Variants in PTGER3 observed in about 807,000 individuals in gnomAD.
The protein encoded by PTGER3 is prostaglandin E2 receptor EP3 subtype.
PTGER3 carries 22 observed loss-of-function variants against 34.7 expected under a neutral mutation model. The observed-to-expected ratio is 0.63, with a 90% confidence interval of 0.45 to 0.91. The LOEUF is 0.91. Among genes scored for constraint, PTGER3 ranks in the 40% least tolerant of loss-of-function variants. The pLI is 0.00. For missense variants in PTGER3, 468 were observed against 519.4 expected (o/e 0.90, Z 0.96); for synonymous variants, 241 against 230.1 (o/e 1.05, Z -0.43).
chr1:70,955,313 T>A (rs1267158118), intron 2 of PTGER3, among the ~76,000 whole-genome samples: 1 of 152,204 alleles, frequency 6.6e-6, no homozygotes, highest in African/African-American at 2.4e-5. Context: ...ATAGTAGATA[T>A]AAAGCACTTA....
chr1:70,995,652 C>T (rs532218860), intron 2 of PTGER3, among the ~76,000 whole-genome samples: 8 of 151,934 alleles, frequency 5.3e-5, no homozygotes, highest in Non-Finnish European at 1.5e-5. Flanking sequence ...GTCTTAATCT[C>T]AATTTAATTA....
Position 70,983,439 on chromosome 1 carries a change from G to A in PTGER3, c.1078-9051C>T, listed in dbSNP as rs182511304. 1.2e-4 allele frequency among the ~76,000 whole-genome samples: 19 copies of A among 152,244 alleles called. 1 individual carries two copies. The East Asian group carries it at 3.5e-3, about 28-fold the overall frequency. On this transcript the variant is annotated intron_variant, in intron 2 of 3. Coordinates refer to ENST00000306666, the MANE Select transcript of PTGER3 (RefSeq NM_198719.2). ...CTGCTCTATGCCCACATATCACAGT[G>A]CCTCTCCTATAGTATGAACTCATTA...
chr1:70,891,826 A>T (rs142349862), intron 4 of PTGER3, among the ~76,000 whole-genome samples: 4 of 152,380 alleles, frequency 2.6e-5, no homozygotes, highest in South Asian at 2.1e-4. Flanking sequence ...AAGATCATTG[A>T]TGGAGACCTT....
chr1:71,000,539 G>A (rs1248576063), intron 2 of PTGER3, among the ~76,000 whole-genome samples: 3 of 152,174 alleles, frequency 2.0e-5, no homozygotes, highest in Admixed American at 6.5e-5. Context: ...TAAAGCAGAT[G>A]TGGTCAAAAT....
At chr1:70,947,932 CA>C (rs1650371864), downstream of PTGER3, among the ~76,000 whole-genome samples, 2 of 151,976 alleles carry the variant, frequency 1.3e-5, no homozygotes, top group Admixed American at 1.3e-4. Context: ...TTCTAAGAAG[CA>C]AAATGTAAAA....
downstream of PTGER3, among the ~76,000 whole-genome samples, chr1:70,950,246 T>C (rs371943612): frequency 1.3e-5 from 2 of 152,184 alleles, no homozygotes; most frequent in East Asian, 3.8e-4. Context: ...ACATCCTGAG[T>C]GCCTTACTTC....
intron 2 of PTGER3, chr1:71,008,866 TAATAAA>T: frequency 1.0e-6 from 1 of 962,496 alleles, no homozygotes; most frequent in Non-Finnish European, 1.2e-6. Flanking sequence ...GTGTTTGTAA[TAATAAA>T]TACTCTGTAG....
intron 4 of PTGER3, among the ~76,000 whole-genome samples, chr1:70,936,016 C>A (rs111672775): frequency 6.6e-6 from 1 of 151,974 alleles, no homozygotes; most frequent in African/African-American, 2.4e-5. Flanking sequence ...TGCACCAATA[C>A]GTAACAAGTT....
intron 2 of PTGER3, among the ~76,000 whole-genome samples, chr1:70,956,354 C>A (rs1458985032): frequency 6.8e-6 from 1 of 147,782 alleles, no homozygotes; most frequent in African/African-American, 2.5e-5. Flanking sequence ...ACAAAAAGAA[C>A]TTTGGAAATA....
intron 4 of PTGER3, among the ~76,000 whole-genome samples, chr1:70,929,080 G>C (rs1033414510): frequency 7.2e-5 from 11 of 152,054 alleles, no homozygotes; most frequent in African/African-American, 2.4e-4. Context: ...TTTGTAAATT[G>C]ACCTTGTGTG....
intron 1 of PTGER3, among the ~76,000 whole-genome samples, chr1:71,046,378 G>T (rs141665792): frequency 3.3e-5 from 5 of 151,492 alleles, no homozygotes; most frequent in African/African-American, 9.7e-5. Flanking sequence ...TTCTAGCTCT[G>T]CATATATGTC....
intron 4 of PTGER3, among the ~76,000 whole-genome samples, chr1:70,871,931 T>A (rs892209989): frequency 2.0e-5 from 3 of 152,174 alleles, no homozygotes; most frequent in African/African-American, 7.2e-5. Flanking sequence ...ATTTGAGAAG[T>A]CTATCTGTCA....
chr1:70,971,077 G>T lies in PTGER3; in HGVS notation c.*653C>A. ...TCACTCCTTTGTCATCAAAAGCTTA[G>T]AAATAACAATTAAGCAGATTCCTGA... On this transcript the variant is annotated 3_prime_UTR_variant, in exon 4 of 4. Coordinates refer to ENST00000306666, the MANE Select transcript of PTGER3 (RefSeq NM_198719.2). The T allele has an allele frequency of 1.0e-6, 1 of 985,268 alleles. No individual in the cohort carries two copies. The highest frequency in any genetic ancestry group is 1.2e-6 in the Non-Finnish European group (1 of 829,900). 61.0% of individuals were successfully genotyped at this position (985,268 alleles called of 1,614,324 possible).
At chr1:70,917,804 G>C (rs1647219050) in intron 4 of PTGER3, among the ~76,000 whole-genome samples, 1 of 151,974 alleles carries the variant, frequency 6.6e-6, no homozygotes, top group Non-Finnish European at 1.5e-5. Flanking sequence ...AATTAGTAAA[G>C]TTGAATATTT....
intron 2 of PTGER3, among the ~76,000 whole-genome samples, chr1:71,002,998 G>A (rs763359032): frequency 6.6e-6 from 1 of 152,150 alleles, no homozygotes; most frequent in Admixed American, 6.5e-5. Context: ...AGCTGTTTAT[G>A]ATTGACAAAT....
chr1:70,948,325 G>T (rs1430899815), downstream of PTGER3, among the ~76,000 whole-genome samples: 2 of 151,996 alleles, frequency 1.3e-5, no homozygotes, highest in Non-Finnish European at 2.9e-5. Flanking sequence ...TTTTATAACG[G>T]ACTTTTCCCC....
At chr1:70,886,235 A>G (rs1053596254) in intron 4 of PTGER3, 4 of 427,328 alleles carry the variant, frequency 9.4e-6, no homozygotes, top group African/African-American at 8.1e-5. Flanking sequence ...TTGAGGATAC[A>G]ATGAGAAGAC....
intron 2 of PTGER3, among the ~76,000 whole-genome samples, chr1:70,992,712 G>A (rs1027272522): frequency 2.0e-5 from 3 of 152,140 alleles, no homozygotes; most frequent in Non-Finnish European, 4.4e-5. Flanking sequence ...CAAGGACATC[G>A]ATTTCATCAT....
At chr1:71,015,067 T>G (rs751824126) in intron 1 of PTGER3, among the ~76,000 whole-genome samples, 9 of 152,220 alleles carry the variant, frequency 5.9e-5, no homozygotes, top group Non-Finnish European at 1.2e-4. Flanking sequence ...TCCTCCCTCT[T>G]GGCCTTTATT....
Sources: gnomAD v4.1 joint callset for allele counts (sites outside exome capture counted in the v4.1 genomes callset) on GRCh38, gnomAD v4.1.1 for gene constraint, MANE v1.5 for transcripts, NCBI Gene and HGNC (gene_info 2026-07-23, HGNC 2026-07-21) for gene names.